The following KCNN2 variants were observed in gnomAD, a reference collection of about 807,000 sequenced individuals.
KCNN2 encodes potassium calcium-activated channel subfamily N member 2.
KCNN2 carries 24 observed loss-of-function variants against 55.5 expected under a neutral mutation model. That is an observed-to-expected ratio of 0.43 (90% CI 0.31 to 0.61). KCNN2 has a LOEUF of 0.61. KCNN2 is among the 20% of genes least tolerant of loss of function. KCNN2 has a pLI of 0.08. For synonymous variants in KCNN2, 431 were observed against 336.1 expected, an observed-to-expected ratio of 1.28 and a Z score of -3.09; for missense variants, 754 against 853.6, an observed-to-expected ratio of 0.88 and a Z score of 1.45.
intron 2 of KCNN2, among the ~76,000 whole-genome samples, chr5:114,271,424 C>T (rs1456650882): frequency 6.6e-6 from 1 of 152,124 alleles, no homozygotes; most frequent in East Asian, 1.9e-4. Flanking sequence ...CCACCCGACC[C>T]AGAAGCCGGC....
chr5:114,386,747 A>C (rs1758301674), intron 2 of KCNN2, among the ~76,000 whole-genome samples: 1 of 152,240 alleles, frequency 6.6e-6, no homozygotes, highest in African/African-American at 2.4e-5. Context: ...GGGATGCTGT[A>C]AGTTAAGGGA....
chr5:114,138,864 C>T (rs775378601), intron 1 of KCNN2, among the ~76,000 whole-genome samples: 1 of 152,056 alleles, frequency 6.6e-6, no homozygotes, highest in Non-Finnish European at 1.5e-5. Flanking sequence ...TTTCAGTTTC[C>T]TTTTAAGATT....
At position 114,201,745 on chromosome 5, in the gene KCNN2, G is replaced by A. The variant is rs118004508; in HGVS notation, c.-270-19735G>A. ...CAGCATGGCCAAGAAGCTGTGGGGAGTGTGGTCTGGTTGCATCTCAGTCTC... is the reference window on the plus strand; with the variant it reads ...CAGCATGGCCAAGAAGCTGTGGGGAATGTGGTCTGGTTGCATCTCAGTCTC... On this transcript the variant is annotated intron_variant, in intron 1 of 10. Transcript: ENST00000512097. Among the ~76,000 whole-genome samples the A allele has an allele frequency of 1.7e-4, 26 of 152,076 alleles. 1 individual carries two copies. The East Asian group carries it at 3.5e-3, about 20-fold the overall frequency.
chr5:114,357,964 G>A (rs1296415978), upstream of KCNN2, among the ~76,000 whole-genome samples: 9 of 150,288 alleles, frequency 6.0e-5, no homozygotes, highest in Non-Finnish European at 1.0e-4. Flanking sequence ...AGCACCTGTT[G>A]TTTCCTGACT....
intron 2 of KCNN2, among the ~76,000 whole-genome samples, chr5:114,322,198 G>C (rs1321036954): frequency 6.6e-6 from 1 of 152,176 alleles, no homozygotes; most frequent in South Asian, 2.1e-4. Context: ...ATCTACTGTA[G>C]TAAGTTCCTC....
chr5:114,217,270 GA>G (rs1414115601), intron 1 of KCNN2, among the ~76,000 whole-genome samples: 1 of 151,932 alleles, frequency 6.6e-6, no homozygotes, highest in African/African-American at 2.4e-5. Context: ...TTATATGAAA[GA>G]ATCAAAAGAC....
At chr5:114,186,812 A>T (rs1021420974) in intron 1 of KCNN2, among the ~76,000 whole-genome samples, 1 of 152,190 alleles carries the variant, frequency 6.6e-6, no homozygotes, top group Admixed American at 6.5e-5. Flanking sequence ...ATTCAGGAAG[A>T]TGTTAAATAC....
intron 2 of KCNN2, among the ~76,000 whole-genome samples, chr5:114,279,532 T>C (rs550137612): frequency 6.6e-6 from 1 of 152,272 alleles, no homozygotes; most frequent in African/African-American, 2.4e-5. Flanking sequence ...TTCCCACCTA[T>C]GAGTGAGAAC....
chr5:114,177,444 T>A (rs183682741), intron 1 of KCNN2, among the ~76,000 whole-genome samples: 1 of 152,102 alleles, frequency 6.6e-6, no homozygotes, highest in African/African-American at 2.4e-5. Context: ...GCTAATATGC[T>A]GTTTTGTATG....
Position 114,425,191 on chromosome 5 carries a change from G to A in KCNN2, c.1637+20335G>A, listed in dbSNP as rs528908532. On this transcript the variant is annotated intron_variant, in intron 3 of 7. Coordinates refer to ENST00000673685, the MANE Select transcript of KCNN2 (RefSeq NM_021614.4). ...CCCAAGGCCATGGTGTGAAGAAGGG[G>A]CTTAACTATCATGCTTTTAAATATT... Among the ~76,000 whole-genome samples the A allele has an allele frequency of 3.3e-5, 5 of 152,288 alleles. No individual in the cohort carries two copies. In the East Asian group the frequency reaches 9.7e-4, roughly 29 times the overall value.
intron 2 of KCNN2, among the ~76,000 whole-genome samples, chr5:114,313,670 A>C (rs1651360689): frequency 1.3e-5 from 2 of 152,142 alleles, no homozygotes; most frequent in Admixed American, 6.6e-5. Context: ...TAGACTATAA[A>C]TCATCTTTTT....
chr5:114,258,030 G>A (rs1008463286), intron 2 of KCNN2, among the ~76,000 whole-genome samples: 1 of 152,070 alleles, frequency 6.6e-6, no homozygotes, highest in African/African-American at 2.4e-5. Context: ...TGCCTAGTTT[G>A]TTGAGGGTTT....
intron 2 of KCNN2, among the ~76,000 whole-genome samples, chr5:114,276,763 C>T (rs1238938607): frequency 6.6e-6 from 1 of 151,176 alleles, no homozygotes; most frequent in Non-Finnish European, 1.5e-5. Flanking sequence ...GAATACAGCA[C>T]ACTGATGGGT....
chr5:114,160,672 A>G (rs1166341119), intron 1 of KCNN2, among the ~76,000 whole-genome samples: 1 of 152,144 alleles, frequency 6.6e-6, no homozygotes, highest in East Asian at 1.9e-4. Flanking sequence ...GACTTGCTTT[A>G]TGAATCTGGG....
chr5:114,265,341 GTGTGTGTGTGTGTGT>G (rs1755188656), intron 2 of KCNN2, among the ~76,000 whole-genome samples: 2 of 62,094 alleles, frequency 3.2e-5, no homozygotes, highest in Non-Finnish European at 8.6e-5. Flanking sequence ...GTGTGTGTGT[GTGTGTGTGTGTGTGT>G]GTGTGTGTGC....
rs530701704 is a variant in KCNN2, at chr5:114,410,354, C to T, written c.1637+5498C>T. 8.5e-4 allele frequency among the ~76,000 whole-genome samples: 130 copies of T among 152,254 alleles called. 2 individuals are homozygous for T. Among genetic ancestry groups the T allele is most frequent in the African/African-American group, 2.9e-3 (122 of 41,556 alleles). ...AGCAAGAATAGTAGCTATTTTGCAA[C>T]AGGTAGAACTGGATATTGTGGGTCA... On this transcript the variant is annotated intron_variant, in intron 3 of 7. Coordinates refer to ENST00000673685, the MANE Select transcript of KCNN2 (RefSeq NM_021614.4).
chr5:114,439,916 C>T (rs748116471), intron 3 of KCNN2, among the ~76,000 whole-genome samples: 6 of 152,112 alleles, frequency 3.9e-5, no homozygotes, highest in Non-Finnish European at 7.4e-5. Flanking sequence ...TATACTATGA[C>T]AAGTTCAGAA....
intron 1 of KCNN2, among the ~76,000 whole-genome samples, chr5:114,140,316 G>C (rs1208950124): frequency 6.6e-6 from 1 of 152,126 alleles, no homozygotes; most frequent in Non-Finnish European, 1.5e-5. Flanking sequence ...GCTCTTACTG[G>C]CCTGCCAGCC....
rs528336223 is a variant in KCNN2, at chr5:114,446,008, C to T, written c.1638-17041C>T. Among the ~76,000 whole-genome samples, 3 of 152,280 alleles carry T rather than the reference C, an allele frequency of 2.0e-5. No individual in the cohort carries two copies. In the South Asian group the frequency reaches 6.2e-4, roughly 32 times the overall value. ...CAAGCCTGTGAAGCCTAGGATAATT[C>T]TTCACTTCTTGTGGATGTCAGAATT... On this transcript the variant is annotated intron_variant, in intron 3 of 7. Coordinates refer to ENST00000673685, the MANE Select transcript of KCNN2 (RefSeq NM_021614.4).
Sources: allele counts gnomAD v4.1 joint callset (sites outside exome capture counted in the v4.1 genomes callset), GRCh38; gene constraint gnomAD v4.1.1; transcripts MANE v1.5; gene names NCBI Gene and HGNC (gene_info 2026-07-23, HGNC 2026-07-21).